The following SORCS2 variants were observed in gnomAD, a reference collection of about 807,000 sequenced individuals.
SORCS2 encodes VPS10 domain-containing receptor SorCS2.
In SORCS2, 100 loss-of-function variants were observed where a neutral mutation model predicts 141.6. The observed-to-expected ratio is 0.71, with a 90% CI of 0.60 to 0.83. SORCS2 has a LOEUF of 0.83. Among genes scored for constraint, SORCS2 ranks in the 40% least tolerant of loss-of-function variants. The pLI is 0.00. For synonymous variants in SORCS2, 789 were observed against 676.9 expected (o/e 1.17, Z -2.57); for missense variants, 1,646 against 1,560.2 (o/e 1.05, Z -0.93).
intron 1 of SORCS2, among the ~76,000 whole-genome samples, chr4:7,283,475 G>A (rs901675069): frequency 2.0e-4 from 30 of 152,316 alleles, no homozygotes; most frequent in Admixed American, 1.2e-3. Flanking sequence ...CTGCTGCAGA[G>A]CCTCAGGGCG....
At chr4:7,273,971 C>T (rs1281561150) in intron 1 of SORCS2, among the ~76,000 whole-genome samples, 3 of 152,232 alleles carry the variant, frequency 2.0e-5, no homozygotes, top group Non-Finnish European at 4.4e-5. Flanking sequence ...ACATCCCTCA[C>T]AGGCGGAACA....
At chr4:7,574,341 G>A (rs1409524201) in intron 3 of SORCS2, among the ~76,000 whole-genome samples, 1 of 152,244 alleles carries the variant, frequency 6.6e-6, no homozygotes, top group Non-Finnish European at 1.5e-5. Context: ...TACTCCCTGA[G>A]AACAGCTTGC....
intron 2 of SORCS2, among the ~76,000 whole-genome samples, chr4:7,526,811 A>G (rs1733725572): frequency 1.3e-5 from 2 of 152,264 alleles, no homozygotes; most frequent in Admixed American, 1.3e-4. Context: ...AAACTGCTGT[A>G]AGAAATAAAG....
intron 1 of SORCS2, among the ~76,000 whole-genome samples, chr4:7,392,671 G>A (rs924326769): frequency 1.3e-5 from 2 of 152,020 alleles, no homozygotes; most frequent in African/African-American, 2.4e-5. Flanking sequence ...GGCTGGTCCT[G>A]GGTGGTAGTG....
In SORCS2 at chr4:7,664,422, C is replaced by A. The variant is rs534049849; in HGVS notation, c.1022C>A (p.Pro341His). The change falls in exon 7 of 27, where the codon CCC becomes CAC. Residue 341 changes from proline to histidine, a missense_variant. Transcript: ENST00000507866. This position sits in a 1 kb window ranked among gnomAD's most constrained non-coding sequence, Gnocchi z 4.7. ...ATGCTGACAGCCCCATTCGCAGGCC[C>A]CATTGACCACGGGTCTCTGACCGTG... Reference protein sequence around the residue: ...EKMLTAPFAGPIDHGSLTVQD... With the variant: ...EKMLTAPFAGHIDHGSLTVQD... The A allele has an allele frequency of 4.4e-5, 71 of 1,613,890 alleles. No homozygotes were observed. In the South Asian group the frequency reaches 7.4e-4, roughly 17 times the overall value.
chr4:7,204,893 C>T (rs1384652222), intron 1 of SORCS2, among the ~76,000 whole-genome samples: 4 of 152,228 alleles, frequency 2.6e-5, no homozygotes, highest in Admixed American at 6.5e-5. Context: ...TTGCTCGGCG[C>T]GGCCGCGCTT....
intron 1 of SORCS2, among the ~76,000 whole-genome samples, chr4:7,318,456 T>C (rs1391259324): frequency 6.6e-6 from 1 of 152,160 alleles, no homozygotes; most frequent in African/African-American, 2.4e-5. Context: ...GGGCCTGGTG[T>C]CATTTTATCC....
chr4:7,456,481 G>T (rs114138402), intron 2 of SORCS2, among the ~76,000 whole-genome samples: 1,925 of 151,754 alleles, frequency 0.013, 55 homozygotes, highest in African/African-American at 0.044. Flanking sequence ...AGGGTGAGAG[G>T]GGGGGGGCCT....
intron 1 of SORCS2, among the ~76,000 whole-genome samples, chr4:7,208,329 G>A (rs932380982): frequency 6.6e-6 from 1 of 152,180 alleles, no homozygotes; most frequent in Non-Finnish European, 1.5e-5. Context: ...ACTTCCTATG[G>A]CATTTCCAAA....
chr4:7,679,865 C>T (rs1266430071), intron 9 of SORCS2, among the ~76,000 whole-genome samples: 2 of 152,030 alleles, frequency 1.3e-5, no homozygotes, highest in Admixed American at 6.6e-5. Context: ...CAGACCCACC[C>T]GGGGGCCTTG....
chr4:7,267,404 G>T (rs1046036083), intron 1 of SORCS2, among the ~76,000 whole-genome samples: 1 of 152,182 alleles, frequency 6.6e-6, no homozygotes, highest in Non-Finnish European at 1.5e-5. Context: ...GGGTCGAGTA[G>T]GGCGTCTATT....
intron 4 of SORCS2, among the ~76,000 whole-genome samples, chr4:7,649,268 T>G (rs928573083): frequency 6.9e-6 from 1 of 145,870 alleles, no homozygotes; most frequent in African/African-American, 2.5e-5. Context: ...GTGCCACATG[T>G]GTGAGTGAGC....
At chr4:7,619,087 C>G (rs930744563) in intron 3 of SORCS2, among the ~76,000 whole-genome samples, 1 of 152,162 alleles carries the variant, frequency 6.6e-6, no homozygotes, top group African/African-American at 2.4e-5. Flanking sequence ...TGCTACGTGT[C>G]TCTGGGCAAG....
intron 1 of SORCS2, among the ~76,000 whole-genome samples, chr4:7,207,210 G>A (rs77018943): frequency 0.021 from 3,191 of 152,276 alleles, 82 homozygotes; most frequent in Non-Finnish European, 0.029. Flanking sequence ...GTGGGGCCTC[G>A]CTTTTCATTC....
chr4:7,450,158 C>T (rs1316917661), intron 2 of SORCS2, among the ~76,000 whole-genome samples: 1 of 152,244 alleles, frequency 6.6e-6, no homozygotes, highest in Non-Finnish European at 1.5e-5. Flanking sequence ...CCCAGTGCCT[C>T]AGCCTCAGTG....
intron 2 of SORCS2, among the ~76,000 whole-genome samples, chr4:7,424,618 C>A (rs1033217291): frequency 3.3e-5 from 5 of 152,320 alleles, no homozygotes; most frequent in Middle Eastern, 6.8e-3. Context: ...GGAGCGCCCC[C>A]CTCTGCTAAC....
At chr4:7,643,525 A>T (rs1720869907) in intron 4 of SORCS2, among the ~76,000 whole-genome samples, 2 of 152,244 alleles carry the variant, frequency 1.3e-5, no homozygotes, top group Admixed American at 1.3e-4. Context: ...GAAACTTAGT[A>T]GGGCAGAGAA....
At chr4:7,488,513 G>A (rs1468468838) in intron 2 of SORCS2, among the ~76,000 whole-genome samples, 1 of 152,208 alleles carries the variant, frequency 6.6e-6, no homozygotes, top group Non-Finnish European at 1.5e-5. Flanking sequence ...TCTTGCTGGT[G>A]CAGACCCTGC....
intron 2 of SORCS2, among the ~76,000 whole-genome samples, chr4:7,485,078 G>A (rs11734984): frequency 0.099 from 15,093 of 152,236 alleles, 971 homozygotes; most frequent in East Asian, 0.25. Flanking sequence ...AGATGTAGGA[G>A]TCTGGTCACC....
Sources: allele counts gnomAD v4.1 joint callset (sites outside exome capture counted in the v4.1 genomes callset), GRCh38; gene constraint gnomAD v4.1.1; non-coding constraint Gnocchi (gnomAD v3.1); transcripts MANE v1.5; gene names NCBI Gene and HGNC (gene_info 2026-07-23, HGNC 2026-07-21).